The following SNTG1 variants were observed in gnomAD, a reference collection of about 807,000 sequenced individuals.
SNTG1 encodes the protein syntrophin gamma 1, also known as gamma-1-syntrophin.
Under a neutral mutation model 74.7 loss-of-function variants are expected in SNTG1, and 39 were observed. The ratio of observed to expected loss-of-function variants is 0.52; its 90% CI spans 0.40 to 0.68. The LOEUF is 0.68. Ranked by LOEUF, SNTG1 falls within the 30% of genes least tolerant of loss-of-function variation. The pLI is 0.00. For missense variants in SNTG1, 685 were observed against 609.5 expected (o/e 1.12, Z -1.30); for synonymous variants, 254 against 217.1 (o/e 1.17, Z -1.49).
chr8:50,790,792 G>T (rs553965055), intron 18 of SNTG1, among the ~76,000 whole-genome samples: 1 of 151,978 alleles, frequency 6.6e-6, no homozygotes, highest in South Asian at 2.1e-4. Context: ...ATAAATAATT[G>T]ACAAGGTGGG....
At chr8:50,075,391 G>T (rs1415648459) in intron 1 of SNTG1, among the ~76,000 whole-genome samples, 1 of 152,200 alleles carries the variant, frequency 6.6e-6, no homozygotes, top group Non-Finnish European at 1.5e-5. Context: ...AGCACTCTGT[G>T]TCTAGCTCTG....
intron 1 of SNTG1, among the ~76,000 whole-genome samples, chr8:50,068,604 C>G (rs78979466): frequency 0.02 from 3,048 of 152,318 alleles, 42 homozygotes; most frequent in Non-Finnish European, 0.03. Flanking sequence ...CACTTTCTCA[C>G]ATATTCCACG....
intron 9 of SNTG1, among the ~76,000 whole-genome samples, chr8:50,528,661 C>T (rs2094241292): frequency 6.6e-6 from 1 of 151,410 alleles, no homozygotes; most frequent in Admixed American, 6.6e-5. Context: ...TGTATTTGTT[C>T]ACTTCAACTA....
chr8:50,170,767 G>A (rs893462130), intron 1 of SNTG1, among the ~76,000 whole-genome samples: 3 of 152,136 alleles, frequency 2.0e-5, no homozygotes, highest in African/African-American at 7.2e-5. Context: ...TAGGTTTGTG[G>A]CAAAATCCAG....
chr8:49,929,017 C>T (rs1057058518), intron 1 of SNTG1, among the ~76,000 whole-genome samples: 22 of 151,576 alleles, frequency 1.5e-4, no homozygotes, highest in Non-Finnish European at 2.5e-4. Context: ...CAAACACAAA[C>T]GTAGTATAGG....
intron 1 of SNTG1, among the ~76,000 whole-genome samples, chr8:49,963,978 GA>G (rs1249572815): frequency 6.6e-6 from 1 of 152,130 alleles, no homozygotes; most frequent in Non-Finnish European, 1.5e-5. Flanking sequence ...TAAATTCCCA[GA>G]AGTTATTTTC....
chr8:50,154,862 A>C (rs2082202159), intron 1 of SNTG1, among the ~76,000 whole-genome samples: 1 of 152,236 alleles, frequency 6.6e-6, no homozygotes, highest in South Asian at 2.1e-4. Flanking sequence ...AGAAGACATT[A>C]GTGGAAAAAA....
At chr8:49,914,758 T>C (rs1350499656) in intron 1 of SNTG1, among the ~76,000 whole-genome samples, 1 of 152,200 alleles carries the variant, frequency 6.6e-6, no homozygotes, top group Non-Finnish European at 1.5e-5. Flanking sequence ...TTGGCTGTTT[T>C]TGACCACTTA....
chr8:50,561,984 A>G (rs775564348), intron 12 of SNTG1, among the ~76,000 whole-genome samples: 4 of 152,194 alleles, frequency 2.6e-5, no homozygotes, highest in Non-Finnish European at 5.9e-5. Flanking sequence ...TCGCCATCCA[A>G]AATCCATCTT....
At chr8:50,410,693 C>A (rs2092937281) in intron 4 of SNTG1, among the ~76,000 whole-genome samples, 1 of 152,144 alleles carries the variant, frequency 6.6e-6, no homozygotes, top group Admixed American at 6.5e-5. Context: ...CCCCTGGAAG[C>A]CACCATTCTA....
chr8:50,656,473 A>G (rs982978256), intron 13 of SNTG1, among the ~76,000 whole-genome samples: 2 of 152,220 alleles, frequency 1.3e-5, no homozygotes, highest in African/African-American at 4.8e-5. Flanking sequence ...TGGTATTGCC[A>G]TAAGATGTCT....
At chr8:50,446,668 C>T (rs1442870188) in intron 5 of SNTG1, among the ~76,000 whole-genome samples, 2 of 152,010 alleles carry the variant, frequency 1.3e-5, no homozygotes, top group Non-Finnish European at 2.9e-5. Flanking sequence ...CAGAGCGAGA[C>T]TCCCTCTCAA....
At chr8:50,489,922 A>C (rs983713971) in intron 8 of SNTG1, among the ~76,000 whole-genome samples, 15 of 152,202 alleles carry the variant, frequency 9.9e-5, no homozygotes, top group African/African-American at 3.4e-4. Flanking sequence ...TTAAGACTTT[A>C]ATCCATCTTG....
chr8:50,472,847 C>T (rs2093663955), intron 8 of SNTG1, among the ~76,000 whole-genome samples: 1 of 151,916 alleles, frequency 6.6e-6, no homozygotes. Flanking sequence ...AAAAACCTTA[C>T]CCAATTAAAA....
At chr8:50,082,185 A>T (rs1399518227) in intron 1 of SNTG1, among the ~76,000 whole-genome samples, 3 of 152,156 alleles carry the variant, frequency 2.0e-5, no homozygotes, top group Non-Finnish European at 4.4e-5. Context: ...TTAATTATTT[A>T]GCTATGATTT....
intron 1 of SNTG1, among the ~76,000 whole-genome samples, chr8:49,974,324 A>C (rs1257182120): frequency 6.6e-6 from 1 of 152,202 alleles, no homozygotes; most frequent in Non-Finnish European, 1.5e-5. Flanking sequence ...TCCATGTTGT[A>C]GCGGGTGCCT....
chr8:50,182,601 G>T (rs1339659173), intron 2 of SNTG1, among the ~76,000 whole-genome samples: 6 of 151,812 alleles, frequency 4.0e-5, no homozygotes, highest in Admixed American at 3.9e-4. Flanking sequence ...ATTTTTTCAA[G>T]AAAAAAATGT....
intron 1 of SNTG1, among the ~76,000 whole-genome samples, chr8:49,992,192 G>A (rs778612043): frequency 1.3e-4 from 20 of 152,208 alleles, no homozygotes; most frequent in Non-Finnish European, 2.2e-4. Flanking sequence ...TTATTGTATT[G>A]TAATAGTTTT....
At chr8:50,663,972 C>A (rs145090641) in intron 15 of SNTG1, among the ~76,000 whole-genome samples, 1 of 152,204 alleles carries the variant, frequency 6.6e-6, no homozygotes, top group Non-Finnish European at 1.5e-5. Context: ...CTGATGACTC[C>A]AAATGCATAT....
Sources: gnomAD v4.1 joint callset for allele counts (sites outside exome capture counted in the v4.1 genomes callset) on GRCh38, gnomAD v4.1.1 for gene constraint, MANE v1.5 for transcripts, NCBI Gene and HGNC (gene_info 2026-07-23, HGNC 2026-07-21) for gene names.